The following TANK variants were observed in gnomAD, a reference collection of about 807,000 sequenced individuals.
TANK encodes TRAF family member-associated NF-kappa-B activator.
In TANK, 15 loss-of-function variants were observed where a neutral mutation model predicts 43.6. The ratio of observed to expected loss-of-function variants is 0.34; its 90% CI spans 0.23 to 0.53. TANK has a LOEUF of 0.53. TANK is among the 20% of genes least tolerant of loss of function. TANK has a pLI of 0.94. For synonymous variants in TANK, 162 were observed against 178.2 expected (o/e 0.91, Z 0.73); for missense variants, 417 against 498.6 (o/e 0.84, Z 1.56).
intron 1 of TANK, chr2:161,161,271 A>G: frequency 6.4e-7 from 1 of 1,550,508 alleles, no homozygotes; most frequent in Non-Finnish European, 8.7e-7. Flanking sequence ...AGTGGTGTTT[A>G]TCTCACCTCA....
intron 2 of TANK, among the ~76,000 whole-genome samples, chr2:161,195,417 A>T (rs1686101801): frequency 6.6e-6 from 1 of 152,206 alleles, no homozygotes. Context: ...GTCAGAGAAG[A>T]TTATCATTAT....
chr2:161,144,988 G>A (rs184899138), intron 1 of TANK, among the ~76,000 whole-genome samples: 7 of 152,048 alleles, frequency 4.6e-5, no homozygotes, highest in Non-Finnish European at 4.4e-5. Flanking sequence ...CTCCTGTATT[G>A]GGTGCATATA....
At chr2:161,177,636 T>G (rs1393612971) in intron 1 of TANK, among the ~76,000 whole-genome samples, 1 of 152,052 alleles carries the variant, frequency 6.6e-6, no homozygotes, top group African/African-American at 2.4e-5. Flanking sequence ...TCCTTAGATA[T>G]GACAGCAATA....
At chr2:161,193,295 T>C (rs1174621871) in intron 2 of TANK, among the ~76,000 whole-genome samples, 2 of 152,230 alleles carry the variant, frequency 1.3e-5, no homozygotes, top group African/African-American at 4.8e-5. Flanking sequence ...TTTACTATGC[T>C]TACAGAATAA....
chr2:161,220,759 G>A (rs1687306696), intron 4 of TANK, among the ~76,000 whole-genome samples: 1 of 151,812 alleles, frequency 6.6e-6, no homozygotes, highest in Admixed American at 6.6e-5. Context: ...TTCACTTTTA[G>A]TATCAACTAT....
At chr2:161,168,461 A>G (rs562547803) in intron 1 of TANK, among the ~76,000 whole-genome samples, 102 of 152,324 alleles carry the variant, frequency 6.7e-4, no homozygotes, top group African/African-American at 2.3e-3. Context: ...GATATAGTCC[A>G]TGGCCAAGTA....
intron 1 of TANK, among the ~76,000 whole-genome samples, chr2:161,150,900 T>G (rs1313528769): frequency 2.6e-5 from 4 of 152,194 alleles, no homozygotes; most frequent in Non-Finnish European, 5.9e-5. Flanking sequence ...TCTCACATCT[T>G]TTTTAATATG....
upstream of TANK, among the ~76,000 whole-genome samples, chr2:161,156,886 G>GAAAAAGT (rs1192206617): frequency 6.6e-6 from 1 of 152,150 alleles, no homozygotes; most frequent in African/African-American, 2.4e-5. Context: ...AACCATATAT[G>GAAAAAGT]AAAAAGTAAA....
chr2:161,160,779 T>C, intron 1 of TANK: 1 of 560,252 alleles, frequency 1.8e-6, no homozygotes, highest in South Asian at 1.5e-5. Context: ...TCGTCCCGGC[T>C]GCTTTGCCCG....
chr2:161,186,349 C>A (rs1410637958), intron 2 of TANK, among the ~76,000 whole-genome samples: 1 of 152,198 alleles, frequency 6.6e-6, no homozygotes, highest in Non-Finnish European at 1.5e-5. Flanking sequence ...TATTTCAGAA[C>A]CTTTGCATTT....
At chr2:161,211,979 T>C (rs1686909081) in intron 4 of TANK, 1 of 947,636 alleles carries the variant, frequency 1.1e-6, no homozygotes, top group African/African-American at 1.8e-5. Flanking sequence ...TCTGGTAGAA[T>C]GTTAATTAGA....
At chr2:161,208,715 T>G (rs542118173) in intron 4 of TANK, among the ~76,000 whole-genome samples, 6 of 152,292 alleles carry the variant, frequency 3.9e-5, no homozygotes, top group African/African-American at 1.4e-4. Flanking sequence ...CTCACATGAC[T>G]GTTGGCAGGA....
intron 4 of TANK, among the ~76,000 whole-genome samples, chr2:161,220,901 G>A (rs1164570344): frequency 2.6e-5 from 4 of 152,098 alleles, no homozygotes; most frequent in Non-Finnish European, 5.9e-5. Flanking sequence ...TTGGACTAAT[G>A]AAATATTAAC....
chr2:161,196,074 C>T (rs1017832444), intron 2 of TANK, among the ~76,000 whole-genome samples: 3 of 151,868 alleles, frequency 2.0e-5, no homozygotes, highest in Non-Finnish European at 2.9e-5. Flanking sequence ...GACAGAGCTC[C>T]GAAAGAGCAA....
At chr2:161,210,050 A>G (rs1381176492) in intron 4 of TANK, among the ~76,000 whole-genome samples, 1 of 152,226 alleles carries the variant, frequency 6.6e-6, no homozygotes, top group Non-Finnish European at 1.5e-5. Flanking sequence ...TGACGAGTGC[A>G]GTTACTGAAA....
At chr2:161,185,607 C>G (rs974719908) in intron 2 of TANK, among the ~76,000 whole-genome samples, 2 of 148,454 alleles carry the variant, frequency 1.3e-5, no homozygotes, top group Non-Finnish European at 3.0e-5. Flanking sequence ...TAAACTATTG[C>G]AAGAACAAAA....
At chr2:161,155,971 TG>T, upstream of TANK, 1 of 805,538 alleles carries the variant, frequency 1.2e-6, no homozygotes, top group Non-Finnish European at 1.5e-6. Flanking sequence ...ATTAATGACT[TG>T]ATAGGGCATT....
At chr2:161,206,279 A>G (rs2105349858) in intron 4 of TANK, among the ~76,000 whole-genome samples, 1 of 152,290 alleles carries the variant, frequency 6.6e-6, no homozygotes. Flanking sequence ...GATATTTTTA[A>G]TGAGATGAGT....
intron 1 of TANK, among the ~76,000 whole-genome samples, chr2:161,155,116 A>C (rs1684189609): frequency 1.3e-5 from 2 of 152,134 alleles, no homozygotes; most frequent in East Asian, 3.8e-4. Context: ...AAAATGATAC[A>C]TCTTCAATTA....
Sources: allele counts gnomAD v4.1 joint callset (sites outside exome capture counted in the v4.1 genomes callset), GRCh38; gene constraint gnomAD v4.1.1; transcripts MANE v1.5; gene names NCBI Gene and HGNC (gene_info 2026-07-23, HGNC 2026-07-21).